TRANK1: variants seen among roughly 807,000 people sequenced by gnomAD.
TRANK1 encodes the protein tetratricopeptide repeat and ankyrin repeat containing 1.
In TRANK1, 198 loss-of-function variants were observed where a neutral mutation model predicts 266.0. That is an observed-to-expected ratio of 0.74 (90% CI 0.66 to 0.84). The LOEUF is 0.84. Among genes scored for constraint, TRANK1 ranks in the 40% least tolerant of loss-of-function variants. The pLI, the probability that TRANK1 is intolerant of heterozygous loss-of-function variation, is 0.00. For synonymous variants in TRANK1, 1,396 were observed against 1,384.1 expected (o/e 1.01, Z -0.19); for missense variants, 3,326 against 3,634.6 (o/e 0.92, Z 2.18).
intron 8 of TRANK1, chr3:36,880,368 CCT>C: frequency 2.6e-6 from 1 of 390,050 alleles, no homozygotes; most frequent in South Asian, 2.1e-5. Context: ...AGGATTAAGA[CCT>C]CTAGCCAGCC....
At chr3:36,931,891 G>A (rs1487827685) in intron 1 of TRANK1, among the ~76,000 whole-genome samples, 1 of 152,140 alleles carries the variant, frequency 6.6e-6, no homozygotes, top group Non-Finnish European at 1.5e-5. Flanking sequence ...TGCAGCCTAG[G>A]TGACAGAGCA....
At position 36,833,463 on chromosome 3, in the gene TRANK1, C is replaced by G; in HGVS notation, c.6120G>C (p.Leu2040=). The G allele has an allele frequency of 1.2e-6, 2 of 1,613,886 alleles. No homozygotes were observed. The highest frequency in any genetic ancestry group is 1.7e-6 in the Non-Finnish European group (2 of 1,179,804). ...AEAHFLQGVI[L]RDFQKLRDAF... is the part of the protein sequence containing the mutation. ...CATCCCTGAGCTTCTGAAAGTCTCTCAGGATTACCCCTTGCAGGAAGTGGG... is the reference window on the plus strand; with the variant it reads ...CATCCCTGAGCTTCTGAAAGTCTCTGAGGATTACCCCTTGCAGGAAGTGGG... Residue 2040 remains leucine, a synonymous_variant, in exon 22 of 24, where the codon CTG becomes CTC. Transcript: ENST00000645898.
At chr3:36,873,054 T>C (rs1302179706) in intron 9 of TRANK1, among the ~76,000 whole-genome samples, 2 of 152,216 alleles carry the variant, frequency 1.3e-5, no homozygotes, top group African/African-American at 2.4e-5. Context: ...TAAGATACCA[T>C]AGATATCGAT....
chr3:36,903,117 T>C, intron 3 of TRANK1, 32 bp downstream of exon 3: 1 of 1,528,724 alleles, frequency 6.5e-7, no homozygotes, highest in Non-Finnish European at 8.8e-7. Context: ...TCTCAAGTCA[T>C]CTCCCCACAC....
In TRANK1 at chr3:36,857,051, C is replaced by T. The variant is rs2079066463; in HGVS notation, c.2671G>A (p.Ala891Thr). The T allele has an allele frequency of 1.9e-6, 3 of 1,614,054 alleles. No individual in the cohort carries two copies. The highest frequency in any genetic ancestry group is 2.5e-6 in the Non-Finnish European group (3 of 1,179,898). The change falls in exon 13 of 24, where the codon GCT becomes ACT. Residue 891 changes from alanine to threonine, a missense_variant. Physicochemically the swap from Ala to Thr is moderately conservative, Grantham distance 58. Coordinates refer to ENST00000645898, the MANE Select transcript of TRANK1 (RefSeq NM_001329998.2). This position sits in a 1 kb window ranked among gnomAD's most constrained non-coding sequence, Gnocchi z 4.3. ...ATCCGGGCTCCTTTGTCCAGCTTAG[C>T]TTCGAAGAGCTGGATGCTTCCTTTC... ...HLKGSIQLFE[A>T]KLDKGARMLW...
rs1358452101 is a variant in TRANK1, at chr3:36,857,607, G to C, written c.2115C>G (p.Asp705Glu). The C allele has an allele frequency of 3.1e-6, 5 of 1,613,932 alleles. No homozygotes were observed. In the African/African-American group the frequency reaches 4.0e-5, roughly 13 times the overall value. ...RTLPEGSAVPDSWETLPGTQV... is the reference protein window; with the variant it reads ...RTLPEGSAVPESWETLPGTQV... ...GGGTACCTGGGAGAGTCTCCCAGCT[G>C]TCAGGGACTGCACTTCCTTCAGGCA... The change falls in exon 13 of 24, where the codon GAC (aspartate) becomes GAG (glutamate). Residue 705 changes from aspartate to glutamate, a missense_variant. Physicochemically the swap from Asp to Glu is conservative, Grantham distance 45. Transcript: ENST00000645898. The surrounding 1 kb of genome is among the most constrained non-coding windows in gnomAD (Gnocchi z 4.3).
At position 36,916,681 on chromosome 3, in the gene TRANK1, G is replaced by T. The variant is rs538785035; in HGVS notation, c.24-8227C>A. ...AGAGCAGCCAATAAGAGTTCCTGAT[G>T]AATTTCATGGGCTTGAGAGTGGAAG... On this transcript the variant is annotated intron_variant, in intron 1 of 23. Transcript: ENST00000645898. Among the ~76,000 whole-genome samples, 4 of 152,338 alleles carry T rather than the reference G, an allele frequency of 2.6e-5. No individual in the cohort carries two copies. The South Asian group carries it at 8.3e-4, about 32-fold the overall frequency.
chr3:36,866,070 AAGAAAG>A (rs1342909087), intron 9 of TRANK1, among the ~76,000 whole-genome samples: 1 of 144,908 alleles, frequency 6.9e-6, no homozygotes, highest in Non-Finnish European at 1.5e-5. Context: ...GAAAGAAAGA[AAGAAAG>A]AAAGAAAGAA....
chr3:36,925,933 G>C (rs904261198), intron 1 of TRANK1, among the ~76,000 whole-genome samples: 2 of 152,072 alleles, frequency 1.3e-5, no homozygotes, highest in Non-Finnish European at 2.9e-5. Flanking sequence ...TCTACTGCAG[G>C]CTCTCAGTAA....
chr3:36,841,548 G>A (rs748158370), intron 18 of TRANK1, among the ~76,000 whole-genome samples: 1 of 152,152 alleles, frequency 6.6e-6, no homozygotes, highest in Non-Finnish European at 1.5e-5. Flanking sequence ...ACCCACAAAA[G>A]GTTAAAACTG....
chr3:36,851,648 T>C (rs2078985289), intron 15 of TRANK1, 71 bp downstream of exon 15: 3 of 1,513,490 alleles, frequency 2.0e-6, no homozygotes, highest in Middle Eastern at 2.1e-4. Flanking sequence ...AACTCCAAAT[T>C]CTCTTCCCCA....
At chr3:36,944,725 C>T (rs2080548233) in intron 1 of TRANK1, 62 bp downstream of exon 1, 3 of 1,495,628 alleles carry the variant, frequency 2.0e-6, no homozygotes, top group East Asian at 2.8e-5. Flanking sequence ...CGCCTCCCGC[C>T]AGGAAGGGTG....
rs770173873 is a variant in TRANK1, at chr3:36,856,950, G to A, written c.2772C>T (p.Asn924=). Residue 924 remains asparagine (N), a synonymous_variant, in exon 13 of 24, where the codon AAC becomes AAT. Transcript: ENST00000645898. ...GCCCTGATTTCTCCATTGCACACGT[G>A]TTCTGCTCCGTGGCAATGATCTTCT... ...NPEKIIATEQ[N]TCAMEKSGRI... is the part of the protein sequence containing the mutation. 15 of 1,613,212 alleles carry A rather than the reference G, an allele frequency of 9.3e-6. No individual in the cohort carries two copies. Among genetic ancestry groups the A allele is most frequent in the Non-Finnish European group, 1.3e-5 (15 of 1,179,524 alleles).
At chr3:36,853,229 C>CT (rs1296001011) in intron 13 of TRANK1, among the ~76,000 whole-genome samples, 1 of 152,190 alleles carries the variant, frequency 6.6e-6, no homozygotes, top group Non-Finnish European at 1.5e-5. Context: ...AACAGGAACT[C>CT]TGAGGTCTGA....
At position 36,900,851 on chromosome 3, in the gene TRANK1, CAAA is replaced by C. The variant is rs138198488; in HGVS notation, c.283-1595_283-1593del. On this transcript the variant is annotated intron_variant, in intron 3 of 23. Transcript: ENST00000645898. ...TGGGTGACAAAGCAAGACCCTGTCT[CAAA>C]AAAAAAAAAAAAAAAAAAAAAAGAT... 2.4e-3 allele frequency among the ~76,000 whole-genome samples: 151 copies of C among 63,010 alleles called. 1 individual carries two copies. The highest frequency in any genetic ancestry group is 2.5e-3 in the Non-Finnish European group (75 of 30,034). 41.3% of individuals were successfully genotyped at this position (63,010 alleles called of 152,430 possible). A position where few individuals can be genotyped will look rare whatever the true frequency, so the allele number is the denominator to read the frequency against.
intron 4 of TRANK1, among the ~76,000 whole-genome samples, chr3:36,897,562 T>C (rs896309047): frequency 6.6e-6 from 1 of 152,234 alleles, no homozygotes; most frequent in African/African-American, 2.4e-5. Flanking sequence ...CCACAGAAGT[T>C]GCTTTCCCAC....
At chr3:36,896,912 T>G (rs2079799088) in intron 4 of TRANK1, among the ~76,000 whole-genome samples, 1 of 152,076 alleles carries the variant, frequency 6.6e-6, no homozygotes. Context: ...GAGAATCGCT[T>G]GAACCCAGGA....
At chr3:36,899,979 C>A (rs2079851445) in intron 3 of TRANK1, among the ~76,000 whole-genome samples, 1 of 152,188 alleles carries the variant, frequency 6.6e-6, no homozygotes, top group African/African-American at 2.4e-5. Flanking sequence ...CTCATCATAG[C>A]CTCCCAAGTA....
rs1407326503 is a variant in TRANK1, at chr3:36,832,417, A to C, written c.7166T>G (p.Met2389Arg). 2 of 1,614,010 alleles carry C rather than the reference A, an allele frequency of 1.2e-6. No individual in the cohort carries two copies. Among genetic ancestry groups the C allele is most frequent in the Admixed American group, 3.3e-5 (2 of 60,030 alleles). ...RIKGIEGKFGMLAPNRDDENM... is the reference protein window; with the variant it reads ...RIKGIEGKFGRLAPNRDDENM... ...TTCATCATCCCTGTTGGGTGCCAGC[A>C]TGCCAAATTTCCCTTCTATTCCTTT... Residue 2389 changes from methionine (M) to arginine (R), a missense_variant, in exon 22 of 24, where the codon ATG (methionine) becomes AGG (arginine). By Grantham distance (91) the Met-to-Arg change is moderately conservative (BLOSUM62 -1). Transcript: ENST00000645898.
Sources: allele counts gnomAD v4.1 joint callset (sites outside exome capture counted in the v4.1 genomes callset), GRCh38; gene constraint gnomAD v4.1.1; non-coding constraint Gnocchi (gnomAD v3.1); transcripts MANE v1.5; gene names NCBI Gene and HGNC (gene_info 2026-07-23, HGNC 2026-07-21).